The following ZFYVE28 variants were observed in gnomAD, a reference collection of about 807,000 sequenced individuals.
ZFYVE28 encodes the protein lateral signaling target protein 2 homolog.
In ZFYVE28, 40 loss-of-function variants were observed where a neutral mutation model predicts 82.1. That is an observed-to-expected ratio of 0.49 (90% CI 0.38 to 0.63). ZFYVE28 has a LOEUF of 0.63. Ranked by LOEUF, ZFYVE28 falls within the 30% of genes least tolerant of loss-of-function variation. ZFYVE28 has a pLI of 0.00. For synonymous variants in ZFYVE28, 612 were observed against 546.1 expected, an observed-to-expected ratio of 1.12 and a Z score of -1.68; for missense variants, 1,321 against 1,242.1, an observed-to-expected ratio of 1.06 and a Z score of -0.96.
rs148045802 is a variant in ZFYVE28 at position 2,341,559 on chromosome 4, G to A, written c.237C>T (p.Arg79=). ...QIMDECIPQD[R]APRDFCVKFP... ...ACTTGACGCAGAAATCTCTGGGGGCGCGGTCCTGGGGGATGCACTCATCCA... is the reference window on the plus strand; with the variant it reads ...ACTTGACGCAGAAATCTCTGGGGGCACGGTCCTGGGGGATGCACTCATCCA... The change falls in exon 3 of 13, where the codon CGC becomes CGT. Residue 79 remains arginine (R), a synonymous_variant. Coordinates refer to ENST00000290974, the MANE Select transcript of ZFYVE28 (RefSeq NM_020972.3). The surrounding 1 kb of genome is among the most constrained non-coding windows in gnomAD (Gnocchi z 4.5). 166 of 1,614,138 alleles carry A rather than the reference G, an allele frequency of 1.0e-4. No homozygotes were observed. In the African/African-American group the frequency reaches 1.8e-3, roughly 17 times the overall value.
At position 2,274,125 on chromosome 4, in the gene ZFYVE28, T is replaced by C; in HGVS notation, c.2143A>G (p.Lys715Glu). ...CTGCCGTGGAACCTGGACCGGATCT[T>C]CTCTCTTGTGGCCTGTGGGGCAGCA... Reference protein sequence around the residue: ...THAAPQATREKIRSRFHGSHD... With the variant: ...THAAPQATREEIRSRFHGSHD... The change falls in exon 9 of 13, where the codon AAG (lysine) becomes GAG (glutamate). Residue 715 changes from lysine (K) to glutamate (E), a missense_variant. Physicochemically the swap from Lys to Glu is moderately conservative, Grantham distance 56. Coordinates refer to ENST00000290974, the MANE Select transcript of ZFYVE28 (RefSeq NM_020972.3). The C allele has an allele frequency of 6.2e-7, 1 of 1,613,584 alleles. No individual in the cohort carries two copies. The highest frequency in any genetic ancestry group is 8.5e-7 in the Non-Finnish European group (1 of 1,179,666).
chr4:2,296,568 T>C (rs566288719), intron 8 of ZFYVE28, among the ~76,000 whole-genome samples: 1 of 152,228 alleles, frequency 6.6e-6, no homozygotes, highest in Middle Eastern at 3.4e-3. Context: ...GGGCATGAAG[T>C]GGGTGGAAGG....
chr4:2,395,761 C>T (rs1220845420), intron 1 of ZFYVE28, among the ~76,000 whole-genome samples: 1 of 152,204 alleles, frequency 6.6e-6, no homozygotes, highest in Non-Finnish European at 1.5e-5. Flanking sequence ...AGCCTTTGAC[C>T]GCGGTGCTAC....
At chr4:2,415,155 C>A (rs1265220389) in intron 1 of ZFYVE28, among the ~76,000 whole-genome samples, 2 of 152,196 alleles carry the variant, frequency 1.3e-5, no homozygotes, top group African/African-American at 4.8e-5. Flanking sequence ...ATCAGGCATT[C>A]TTTTACTCAA....
chr4:2,337,488 G>A lies in ZFYVE28; in HGVS notation c.530C>T (p.Ser177Leu), dbSNP rs781628886. The A allele has an allele frequency of 3.7e-6, 6 of 1,605,858 alleles. No homozygotes were observed. The highest frequency in any genetic ancestry group is 1.7e-5 in the Admixed American group (1 of 59,250). The change falls in exon 5 of 13, where the codon TCG (serine) becomes TTG (leucine). Residue 177 changes from serine to leucine, a missense_variant. This residue lies in a region of ZFYVE28 where 343 missense variants were observed against 408.4 expected (regional missense o/e 0.84). Transcript: ENST00000290974. Reference protein sequence around the residue: ...LFAEFELSYVSAMVPVKSPRE... With the variant: ...LFAEFELSYVLAMVPVKSPRE... ...GGGGGACTTCACAGGCACCATGGCCGAGACGTAGCTGCAAACACATGGAGA... is the reference window on the plus strand; with the variant it reads ...GGGGGACTTCACAGGCACCATGGCCAAGACGTAGCTGCAAACACATGGAGA...
chr4:2,387,033 C>T (rs1055661832), intron 1 of ZFYVE28, among the ~76,000 whole-genome samples: 2 of 151,128 alleles, frequency 1.3e-5, no homozygotes, highest in Non-Finnish European at 2.9e-5. Flanking sequence ...GGGGGTTGGA[C>T]GGCTCCGCAG....
At chr4:2,370,597 G>A (rs547150720) in intron 1 of ZFYVE28, among the ~76,000 whole-genome samples, 155 of 152,320 alleles carry the variant, frequency 1.0e-3, no homozygotes, top group Non-Finnish European at 1.2e-3. Context: ...TGCCGGCCCA[G>A]GGCCCAGAGC....
chr4:2,386,424 G>A (rs1356135225), intron 1 of ZFYVE28, among the ~76,000 whole-genome samples: 1 of 152,200 alleles, frequency 6.6e-6, no homozygotes, highest in Non-Finnish European at 1.5e-5. Flanking sequence ...GGCGGAGGTT[G>A]CGGTGAGCTG....
chr4:2,272,023 G>C (rs1735959696), intron 10 of ZFYVE28, among the ~76,000 whole-genome samples: 1 of 152,244 alleles, frequency 6.6e-6, no homozygotes, highest in South Asian at 2.1e-4. Flanking sequence ...TGCTCCCCCT[G>C]ACAGGGGCAT....
chr4:2,392,989 CA>C (rs1729997541), intron 1 of ZFYVE28, among the ~76,000 whole-genome samples: 1 of 152,238 alleles, frequency 6.6e-6, no homozygotes, highest in Non-Finnish European at 1.5e-5. Flanking sequence ...TTTCCAGATT[CA>C]GGCAAATAAA....
At chr4:2,399,713 G>A (rs1428735229) in intron 1 of ZFYVE28, among the ~76,000 whole-genome samples, 4 of 151,978 alleles carry the variant, frequency 2.6e-5, no homozygotes, top group Admixed American at 2.6e-4. Context: ...AGCAAGTGGC[G>A]ATACTCGGAT....
intron 6 of ZFYVE28, among the ~76,000 whole-genome samples, chr4:2,321,754 C>T (rs1350347306): frequency 1.3e-5 from 2 of 152,118 alleles, no homozygotes; most frequent in Non-Finnish European, 2.9e-5. Flanking sequence ...GTAGAGCTCC[C>T]TCCCCTGCTG....
chr4:2,408,870 T>C lies in ZFYVE28; in HGVS notation c.39+9415A>G, dbSNP rs944498429. Among the ~76,000 whole-genome samples, 2 of 152,214 alleles carry C rather than the reference T, an allele frequency of 1.3e-5. No homozygotes were observed. The highest frequency in any genetic ancestry group is 4.8e-5 in the African/African-American group (2 of 41,444). ...CCTGACGTGGGGCAGCAGTGATGGT[T>C]TGAAGCTCTCAGTTCCCGGCGGTTT... On this transcript the variant is annotated intron_variant, in intron 1 of 12. Transcript: ENST00000290974. This position sits in a 1 kb window ranked among gnomAD's most constrained non-coding sequence, Gnocchi z 4.3.
intron 1 of ZFYVE28, among the ~76,000 whole-genome samples, chr4:2,375,356 G>T (rs4974680): frequency 1.3e-5 from 2 of 152,084 alleles, no homozygotes; most frequent in Non-Finnish European, 2.9e-5. Context: ...GGGTCAATCA[G>T]CCGGGCCAGC....
At chr4:2,401,689 T>G (rs1731196012) in intron 1 of ZFYVE28, among the ~76,000 whole-genome samples, 1 of 152,208 alleles carries the variant, frequency 6.6e-6, no homozygotes, top group Non-Finnish European at 1.5e-5. Context: ...GAGTGCCTCC[T>G]TGCGGTCCCC....
At chr4:2,319,564 C>A (rs1429643030) in intron 7 of ZFYVE28, among the ~76,000 whole-genome samples, 1 of 152,190 alleles carries the variant, frequency 6.6e-6, no homozygotes, top group African/African-American at 2.4e-5. Flanking sequence ...GCCACAGAGC[C>A]AGGGTGGCAC....
In ZFYVE28 at chr4:2,332,220, G is replaced by T. The variant is rs1309278667; in HGVS notation, c.701+3485C>A. ...CCTCTGCTCTCAGTGTTCCCTGGGG[G>T]TCACCTGGGGGGTCCCAGGATGCCC... On this transcript the variant is annotated intron_variant, in intron 6 of 12. Coordinates refer to ENST00000290974, the MANE Select transcript of ZFYVE28 (RefSeq NM_020972.3). This position sits in a 1 kb window ranked among gnomAD's most constrained non-coding sequence, Gnocchi z 4.7. 6.6e-6 allele frequency among the ~76,000 whole-genome samples: 1 copy of T among 152,092 alleles called. No homozygotes were observed. Among genetic ancestry groups the T allele is most frequent in the East Asian group, 1.9e-4 (1 of 5,168 alleles).
Position 2,335,562 on chromosome 4 carries a change from G to T in ZFYVE28, c.701+143C>A. ...CTGGTCTGCTGAGGGCTGACAGCAG[G>T]CCTGCCTGTCACTGATCGGGACAGC... is the stretch of plus-strand genomic sequence containing the variant. On this transcript the variant is annotated intron_variant, in intron 6 of 12. Transcript: ENST00000290974. This position sits in a 1 kb window ranked among gnomAD's most constrained non-coding sequence, Gnocchi z 5.8. 1 of 730,214 alleles carries T rather than the reference G, an allele frequency of 1.4e-6. No homozygotes were observed. The highest frequency in any genetic ancestry group is 2.3e-6 in the Non-Finnish European group (1 of 437,078). The allele number at this position is 730,214 out of a possible 1,614,324, so 45.2% of individuals were successfully genotyped here.
At chr4:2,348,141 T>A (rs549317256) in intron 2 of ZFYVE28, among the ~76,000 whole-genome samples, 1 of 152,226 alleles carries the variant, frequency 6.6e-6, no homozygotes, top group African/African-American at 2.4e-5. Flanking sequence ...TCGCGGTGGA[T>A]CCTACATATA....
Sources: gnomAD v4.1 joint callset for allele counts (sites outside exome capture counted in the v4.1 genomes callset) on GRCh38, gnomAD v4.1.1 for gene constraint, gnomAD v4.1.1 regional missense constraint, Gnocchi (gnomAD v3.1) non-coding constraint, MANE v1.5 for transcripts, NCBI Gene and HGNC (gene_info 2026-07-23, HGNC 2026-07-21) for gene names.